The following MACROD2 variants were observed in gnomAD, a reference collection of about 807,000 sequenced individuals.
MACROD2 encodes the protein ADP-ribose glycohydrolase MACROD2.
A neutral mutation model predicts 70.4 loss-of-function variants in MACROD2; 36 were observed. The observed-to-expected ratio is 0.51, with a 90% CI of 0.39 to 0.68. The LOEUF (loss-of-function observed/expected upper bound fraction) is 0.68, where lower values mean the gene tolerates loss of function less well. Ranked by LOEUF, MACROD2 falls within the 30% of genes least tolerant of loss-of-function variation. The probability of loss-of-function intolerance (pLI) is 0.00; values close to 1 mark genes in which losing one functional copy is unlikely to be tolerated. For synonymous variants in MACROD2, 172 were observed against 178.8 expected (o/e 0.96, Z 0.30); for missense variants, 496 against 538.4 (o/e 0.92, Z 0.78).
chr20:15,451,642 CA>C (rs2046645230), intron 7 of MACROD2, among the ~76,000 whole-genome samples: 2 of 152,006 alleles, frequency 1.3e-5, no homozygotes, highest in Admixed American at 6.6e-5. Context: ...ACAAATTAAT[CA>C]CAATCAAATG....
At chr20:14,800,440 A>G (rs1297703028) in intron 5 of MACROD2, among the ~76,000 whole-genome samples, 3 of 152,122 alleles carry the variant, frequency 2.0e-5, no homozygotes, top group African/African-American at 7.2e-5. Context: ...CCCAGATTTT[A>G]TGGGTGAAAA....
chr20:14,544,922 C>T (rs556664347), intron 4 of MACROD2, among the ~76,000 whole-genome samples: 2 of 152,184 alleles, frequency 1.3e-5, no homozygotes, highest in East Asian at 1.9e-4. Context: ...GTTTGGCAGG[C>T]AGAGAAGCTT....
chr20:14,658,646 C>T (rs1356729113), intron 4 of MACROD2, among the ~76,000 whole-genome samples: 1 of 152,196 alleles, frequency 6.6e-6, no homozygotes, highest in Non-Finnish European at 1.5e-5. Context: ...TGGAGTCTCA[C>T]TCTGTCACCC....
At chr20:14,898,409 A>C (rs1019259472) in intron 5 of MACROD2, among the ~76,000 whole-genome samples, 6 of 152,130 alleles carry the variant, frequency 3.9e-5, no homozygotes, top group African/African-American at 1.2e-4. Flanking sequence ...ATTGGAAAAA[A>C]TGAGTTAGGT....
chr20:15,884,158 C>A (rs912279500), intron 9 of MACROD2, among the ~76,000 whole-genome samples: 4 of 152,010 alleles, frequency 2.6e-5, no homozygotes, highest in Non-Finnish European at 4.4e-5. Flanking sequence ...GGATGCAAAC[C>A]TAAGCCCATG....
At chr20:14,923,214 G>A (rs1257892798) in intron 5 of MACROD2, among the ~76,000 whole-genome samples, 2 of 152,026 alleles carry the variant, frequency 1.3e-5, no homozygotes, top group Non-Finnish European at 2.9e-5. Context: ...ACTCATTACT[G>A]AAGAGCCCTA....
At chr20:14,871,152 GGAAATGTAGA>G (rs1179742237) in intron 5 of MACROD2, among the ~76,000 whole-genome samples, 1 of 152,000 alleles carries the variant, frequency 6.6e-6, no homozygotes, top group Admixed American at 6.6e-5. Flanking sequence ...AACAAATTCA[GGAAATGTAGA>G]GAACCCCAGT....
At chr20:14,071,252 GTTTTT>G (rs59052053) in intron 2 of MACROD2, among the ~76,000 whole-genome samples, 8 of 63,936 alleles carry the variant, frequency 1.3e-4, no homozygotes, top group African/African-American at 2.5e-4. Flanking sequence ...TTCATCTTGT[GTTTTT>G]TTTTTTTTTT....
chr20:14,045,824 G>A (rs961715164), intron 2 of MACROD2, among the ~76,000 whole-genome samples: 1 of 152,066 alleles, frequency 6.6e-6, no homozygotes, highest in African/African-American at 2.4e-5. Context: ...AGAAATACCA[G>A]GTAGATCTGA....
chr20:14,113,337 T>G (rs1488130114), intron 3 of MACROD2, among the ~76,000 whole-genome samples: 1 of 152,094 alleles, frequency 6.6e-6, no homozygotes, highest in African/African-American at 2.4e-5. Flanking sequence ...TTGTGAAGTT[T>G]TAATTTTATG....
chr20:15,461,270 C>G (rs541724384), intron 7 of MACROD2, among the ~76,000 whole-genome samples: 2 of 152,002 alleles, frequency 1.3e-5, no homozygotes, highest in African/African-American at 4.8e-5. Flanking sequence ...ATTTACTTTA[C>G]GAGAATGTGT....
intron 4 of MACROD2, among the ~76,000 whole-genome samples, chr20:14,625,559 G>A (rs1219892930): frequency 6.6e-6 from 1 of 152,128 alleles, no homozygotes; most frequent in Admixed American, 6.6e-5. Flanking sequence ...GAGTAGACAT[G>A]GTGAAAAAGA....
At chr20:15,869,463 C>T (rs2064550102) in intron 9 of MACROD2, among the ~76,000 whole-genome samples, 1 of 151,368 alleles carries the variant, frequency 6.6e-6, no homozygotes, top group Admixed American at 6.6e-5. Flanking sequence ...ATGTTCTTGA[C>T]ATAAATAGTA....
chr20:14,291,733 CACTG>C (rs1366837759), intron 3 of MACROD2, among the ~76,000 whole-genome samples: 1 of 151,906 alleles, frequency 6.6e-6, no homozygotes, highest in African/African-American at 2.4e-5. Flanking sequence ...AAAAGTACTG[CACTG>C]ACTGTTTCTG....
intron 6 of MACROD2, among the ~76,000 whole-genome samples, chr20:15,413,382 C>T (rs2146327697): frequency 6.6e-6 from 1 of 152,188 alleles, no homozygotes; most frequent in East Asian, 1.9e-4. Context: ...TTTTATTCCC[C>T]CTTAGTAATT....
At chr20:15,325,276 A>G (rs544269396) in intron 6 of MACROD2, among the ~76,000 whole-genome samples, 2 of 152,270 alleles carry the variant, frequency 1.3e-5, no homozygotes, top group Admixed American at 6.5e-5. Context: ...GCCAAAGTCT[A>G]TGACCTTTTG....
intron 5 of MACROD2, among the ~76,000 whole-genome samples, chr20:15,115,135 G>C (rs2075982908): frequency 6.6e-6 from 1 of 152,150 alleles, no homozygotes; most frequent in South Asian, 2.1e-4. Context: ...TATTCTATTT[G>C]TTGCAGTCAA....
chr20:14,536,010 A>G (rs2085359580), intron 4 of MACROD2, among the ~76,000 whole-genome samples: 1 of 152,146 alleles, frequency 6.6e-6, no homozygotes, highest in Non-Finnish European at 1.5e-5. Context: ...ATAGGAGGGA[A>G]ATGTATCATG....
At chr20:14,097,250 T>C (rs1569157495) in intron 3 of MACROD2, among the ~76,000 whole-genome samples, 1 of 152,220 alleles carries the variant, frequency 6.6e-6, no homozygotes, top group Non-Finnish European at 1.5e-5. Context: ...TGGTCTTTTC[T>C]AGAGCTTGGG....
Sources: gnomAD v4.1 joint callset for allele counts (sites outside exome capture counted in the v4.1 genomes callset) on GRCh38, gnomAD v4.1.1 for gene constraint, MANE v1.5 for transcripts, NCBI Gene and HGNC (gene_info 2026-07-23, HGNC 2026-07-21) for gene names.